Variants in FAM170A observed in about 807,000 individuals in gnomAD.
FAM170A encodes protein FAM170A.
In FAM170A, 28 loss-of-function variants were observed where a neutral mutation model predicts 36.6. That is an observed-to-expected ratio of 0.76 (90% confidence interval 0.57 to 1.05). The LOEUF is 1.05. Among genes scored for constraint, FAM170A ranks in the 50% least tolerant of loss-of-function variants. The pLI is 0.00. For missense variants in FAM170A, 434 were observed against 396.5 expected (o/e 1.09, Z -0.80); for synonymous variants, 156 against 143.9 (o/e 1.08, Z -0.60).
chr5:119,632,925 G>T, intron 2 of FAM170A, 37 bp downstream of exon 2: 1 of 1,539,812 alleles, frequency 6.5e-7, no homozygotes, highest in Non-Finnish European at 8.8e-7. Flanking sequence ...GTGGCTCCTT[G>T]GCTGTGGGGT....
rs553907767 is a variant in FAM170A, at chr5:119,632,709, C to T, written c.71-39C>T. 3 of 1,493,382 alleles carry T rather than the reference C, an allele frequency of 2.0e-6. No homozygotes were observed. The South Asian group carries it at 4.0e-5, about 20-fold the overall frequency. The allele number at this position is 1,493,382 out of a possible 1,614,324, so 92.5% of individuals were successfully genotyped here. On this transcript the variant is annotated intron_variant, in intron 1 of 4. Transcript: ENST00000613773. Reference sequence around the variant, plus strand: ...ATGGTAAATGATGCACAAACATTACCCATCCATCATATCTCTGTTCCCTTC... The same window carrying T: ...ATGGTAAATGATGCACAAACATTACTCATCCATCATATCTCTGTTCCCTTC...
chr5:119,635,285 C>T (rs1561525516), intron 4 of FAM170A, among the ~76,000 whole-genome samples, 199 bp downstream of exon 4: 1 of 152,180 alleles, frequency 6.6e-6, no homozygotes, highest in East Asian at 1.9e-4. Context: ...GGAACTTTCT[C>T]AATGTCTGCA....
chr5:119,634,250 A>T (rs1756324489), exon 3 of FAM170A: 1 of 1,614,180 alleles, frequency 6.2e-7, no homozygotes, highest in East Asian at 2.2e-5. Flanking sequence ...TGAGGTTGTG[A>T]GGGTAGGTAC....
At chr5:119,631,486 C>T (rs912265768) in intron 1 of FAM170A, among the ~76,000 whole-genome samples, 1 of 151,960 alleles carries the variant, frequency 6.6e-6, no homozygotes, top group Admixed American at 6.6e-5. Flanking sequence ...GGGTGAACTT[C>T]CTATCACCAT....
rs536579007 is a variant in FAM170A, at chr5:119,634,484, C to T, written c.736C>T (p.His246Tyr). 42 of 1,614,176 alleles carry T rather than the reference C, an allele frequency of 2.6e-5. No individual in the cohort carries two copies. The Admixed American group carries it at 4.5e-4, about 17-fold the overall frequency. ...CACCACCATGGAAGCCCTCCAGGAG[C>T]ATGTGCAGTTTGGGATCAGAGAGGG... The change falls in exon 3 of 5, where the codon CAT (histidine) becomes TAT (tyrosine). Residue 246 changes from histidine to tyrosine, a missense_variant. Coordinates refer to ENST00000613773, the Ensembl canonical transcript of FAM170A.
In FAM170A at chr5:119,633,921, G is replaced by A. The variant is rs1561524525; in HGVS notation, c.212-39G>A. On this transcript the variant is annotated intron_variant, in intron 2 of 4. Coordinates refer to ENST00000613773, the Ensembl canonical transcript of FAM170A. ...TTACGTTCCCTCAGCTCCTAGCATGGCCCATGCATCTGCTCATGTTTCTAA... is the reference window on the plus strand; with the variant it reads ...TTACGTTCCCTCAGCTCCTAGCATGACCCATGCATCTGCTCATGTTTCTAA... 11 of 1,582,840 alleles carry A rather than the reference G, an allele frequency of 6.9e-6. No individual in the cohort carries two copies. In the East Asian group the frequency reaches 2.5e-4, roughly 36 times the overall value.
At chr5:119,632,925 GGCT>G (rs778185517) in intron 2 of FAM170A, 37 bp downstream of exon 2, 1 of 1,539,812 alleles carries the variant, frequency 6.5e-7, no homozygotes, top group Non-Finnish European at 8.8e-7. Context: ...GTGGCTCCTT[GGCT>G]GTGGGGTTCA....
In FAM170A at chr5:119,635,747, A is replaced by G. The variant is rs74470252; in HGVS notation, c.*100A>G. On this transcript the variant is annotated 3_prime_UTR_variant, in exon 5 of 5. Coordinates refer to ENST00000613773, the Ensembl canonical transcript of FAM170A. ...TAGTAGCAGACAGGCTGCCCAAGGT[A>G]TGAAGCAGATGAGGGACCAGCACTC... 3.6e-3 allele frequency: 556 copies of G among 154,656 alleles called. 2 individuals carry two copies. Among genetic ancestry groups the G allele is most frequent in the Non-Finnish European group, 6.0e-3 (413 of 68,312 alleles). The allele number at this position is 154,656 out of a possible 1,614,324, so 9.6% of individuals were successfully genotyped here. A position where few individuals can be genotyped will look rare whatever the true frequency, so the allele number is the denominator to read the frequency against.
At chr5:119,630,049 G>A (rs866599154) in intron 1 of FAM170A, among the ~76,000 whole-genome samples, 1 of 150,892 alleles carries the variant, frequency 6.6e-6, no homozygotes, top group African/African-American at 2.4e-5. Flanking sequence ...CCACCACCAC[G>A]CCCGGCTAAT....
chr5:119,634,358 C>G (rs1261981940), exon 3 of FAM170A: 1 of 1,614,202 alleles, frequency 6.2e-7, no homozygotes, highest in Non-Finnish European at 8.5e-7. Flanking sequence ...AGACAGCCTG[C>G]CAGGCTCACC....
chr5:119,634,393 C>G (rs1441468150), exon 3 of FAM170A: 2 of 1,614,154 alleles, frequency 1.2e-6, no homozygotes, highest in Non-Finnish European at 1.7e-6. Flanking sequence ...CACCCAGAGC[C>G]AAGACTCCTG....
At position 119,632,611 on chromosome 5, in the gene FAM170A, A is replaced by G. The variant is rs1756277088; in HGVS notation, c.71-137A>G. ...GTAATTAAATACTGGAGTATCCACC[A>G]GAAGCCTGTCTCACAAACCATGTGT... On this transcript the variant is annotated intron_variant, in intron 1 of 4. Transcript: ENST00000613773. 3 of 719,922 alleles carry G rather than the reference A, an allele frequency of 4.2e-6. 1 individual carries two copies. The highest frequency in any genetic ancestry group is 4.6e-5 in the South Asian group (2 of 43,508). 44.6% of individuals were successfully genotyped at this position (719,922 alleles called of 1,614,324 possible). A position where few individuals can be genotyped will look rare whatever the true frequency, so the allele number is the denominator to read the frequency against.
chr5:119,631,689 G>A (rs1161350466), intron 1 of FAM170A, among the ~76,000 whole-genome samples: 1 of 152,088 alleles, frequency 6.6e-6, no homozygotes, highest in Non-Finnish European at 1.5e-5. Flanking sequence ...ACCCATGTGT[G>A]TGACAGTCTT....
exon 3 of FAM170A, chr5:119,634,671 T>A (rs1174977874): frequency 6.3e-7 from 1 of 1,587,450 alleles, no homozygotes; most frequent in Admixed American, 1.7e-5. Context: ...GAAGAAGACC[T>A]TGGCCTGAGG....
chr5:119,634,094 T>A (rs1756318248), exon 3 of FAM170A: 17 of 1,614,004 alleles, frequency 1.1e-5, no homozygotes, highest in Non-Finnish European at 1.4e-5. Context: ...TTGTGTGTCC[T>A]CTCTGTGTGT....
rs1413762064 is a variant in FAM170A at position 119,630,327 on chromosome 5, T to G, written c.70+489T>G. 7.3e-3 allele frequency among the ~76,000 whole-genome samples: 1,037 copies of G among 142,066 alleles called. 30 individuals are homozygous for G. The East Asian group carries it at 0.098, about 13-fold the overall frequency. 93.2% of individuals were successfully genotyped at this position (142,066 alleles called of 152,430 possible). A position where few individuals can be genotyped will look rare whatever the true frequency, so the allele number is the denominator to read the frequency against. Reference sequence around the variant, plus strand: ...CCGCCACCACGCCTGGCTAATTTTTTTTTTTTTTTTTTTTTTTGTATTTGT... The same window carrying G: ...CCGCCACCACGCCTGGCTAATTTTTGTTTTTTTTTTTTTTTTTGTATTTGT... On this transcript the variant is annotated intron_variant, in intron 1 of 4. Coordinates refer to ENST00000613773, the Ensembl canonical transcript of FAM170A.
rs1219501922 is a variant in FAM170A, at chr5:119,634,532, C to G, written c.784C>G (p.Leu262Val). The change falls in exon 3 of 5, where the codon CTC becomes GTC. Residue 262 changes from leucine to valine, a missense_variant. Physicochemically the swap from Leu to Val is conservative, Grantham distance 32 (BLOSUM62 1). Coordinates refer to ENST00000613773, the Ensembl canonical transcript of FAM170A. Reference sequence around the variant, plus strand: ...GGGCTTCAGCTGCCACGTCTTTCATCTCACCATGGCTCAGCTGACAGGCAA... The same window carrying G: ...GGGCTTCAGCTGCCACGTCTTTCATGTCACCATGGCTCAGCTGACAGGCAA... The G allele has an allele frequency of 1.9e-6, 3 of 1,613,168 alleles. No homozygotes were observed. In the African/African-American group the frequency reaches 4.0e-5, roughly 22 times the overall value.
chr5:119,634,233 C>T, exon 3 of FAM170A: 1 of 1,614,208 alleles, frequency 6.2e-7, no homozygotes, highest in Non-Finnish European at 8.5e-7. Context: ...GAAGAAGTGA[C>T]CCTTTCTGAG....
At chr5:119,632,128 G>T (rs1449719971) in intron 1 of FAM170A, among the ~76,000 whole-genome samples, 2 of 152,102 alleles carry the variant, frequency 1.3e-5, no homozygotes, top group Non-Finnish European at 2.9e-5. Flanking sequence ...ATTTTTGTTT[G>T]CTAAATCTGA....
Sources: allele counts gnomAD v4.1 joint callset (sites outside exome capture counted in the v4.1 genomes callset), GRCh38; gene constraint gnomAD v4.1.1; transcripts MANE v1.5; gene names NCBI Gene and HGNC (gene_info 2026-07-23, HGNC 2026-07-21).